OLA1: variants seen among roughly 807,000 people sequenced by gnomAD.
OLA1 encodes obg-like ATPase 1.
In OLA1, 14 loss-of-function variants were observed where a neutral mutation model predicts 48.4. The ratio of observed to expected loss-of-function variants is 0.29; its 90% CI spans 0.19 to 0.45. OLA1 has a LOEUF of 0.45. Ranked by LOEUF, OLA1 falls within the 20% of genes least tolerant of loss-of-function variation. The pLI, the probability that OLA1 is intolerant of heterozygous loss-of-function variation, is 1.00. For missense variants in OLA1, 325 were observed against 467.1 expected (o/e 0.70, Z 2.80); for synonymous variants, 127 against 150.4 (o/e 0.84, Z 1.14).
At chr2:174,231,960 TTTTAAACACAC>T (rs1401195555) in intron 2 of OLA1, among the ~76,000 whole-genome samples, 1 of 152,178 alleles carries the variant, frequency 6.6e-6, no homozygotes, top group Non-Finnish European at 1.5e-5. Flanking sequence ...AATGAGAACT[TTTTAAACACAC>T]ACACACGCAC....
intron 5 of OLA1, among the ~76,000 whole-genome samples, chr2:174,133,563 G>A (rs1461138326): frequency 2.0e-5 from 3 of 152,216 alleles, no homozygotes; most frequent in South Asian, 2.1e-4. Flanking sequence ...GTTATGCCAT[G>A]TTGTTTTCTT....
At chr2:174,083,579 G>C (rs899353475) in intron 7 of OLA1, among the ~76,000 whole-genome samples, 1 of 151,806 alleles carries the variant, frequency 6.6e-6, no homozygotes, top group African/African-American at 2.4e-5. Flanking sequence ...AAATTAAGAA[G>C]GACAGGTTAA....
chr2:174,164,512 TCTAA>T (rs1340409190), intron 4 of OLA1, among the ~76,000 whole-genome samples: 3 of 152,164 alleles, frequency 2.0e-5, no homozygotes, highest in African/African-American at 7.2e-5. Context: ...ATTATACTGC[TCTAA>T]CTCTCATAAT....
intron 3 of OLA1, among the ~76,000 whole-genome samples, chr2:174,225,896 T>C (rs1270030651): frequency 6.6e-6 from 1 of 152,100 alleles, no homozygotes; most frequent in African/African-American, 2.4e-5. Flanking sequence ...CTATTTTCTA[T>C]TGAAAATGAG....
At chr2:174,139,617 A>C (rs1298084554) in intron 5 of OLA1, among the ~76,000 whole-genome samples, 1 of 152,212 alleles carries the variant, frequency 6.6e-6, no homozygotes, top group Admixed American at 6.5e-5. Context: ...CTGTAATTCC[A>C]GCACTTCGGG....
At chr2:174,119,412 T>A (rs563660303) in intron 7 of OLA1, among the ~76,000 whole-genome samples, 3 of 152,122 alleles carry the variant, frequency 2.0e-5, no homozygotes, top group Non-Finnish European at 4.4e-5. Flanking sequence ...CCTCCTACAA[T>A]AGTTCTATAG....
chr2:174,137,856 G>T (rs116018976), intron 5 of OLA1, among the ~76,000 whole-genome samples: 53 of 152,260 alleles, frequency 3.5e-4, no homozygotes, highest in Non-Finnish European at 5.0e-4. Flanking sequence ...CTTCTATCAA[G>T]AACGCTAAAA....
chr2:174,130,824 A>C (rs924615936), intron 5 of OLA1, among the ~76,000 whole-genome samples: 1 of 151,976 alleles, frequency 6.6e-6, no homozygotes, highest in Non-Finnish European at 1.5e-5. Context: ...CAAAAAGATA[A>C]GAGCATCTAC....
chr2:174,197,694 A>G (rs1429385068), intron 4 of OLA1, among the ~76,000 whole-genome samples: 1 of 152,162 alleles, frequency 6.6e-6, no homozygotes, highest in Non-Finnish European at 1.5e-5. Flanking sequence ...TAAAGGGTGA[A>G]GAGGGATGGA....
chr2:174,164,330 T>A, intron 4 of OLA1, among the ~76,000 whole-genome samples: 1 of 152,308 alleles, frequency 6.6e-6, no homozygotes, highest in Non-Finnish European at 1.5e-5. Context: ...GGTTAGAAGG[T>A]TAGAGTTGGC....
chr2:174,193,461 G>A (rs1361529734), intron 4 of OLA1, among the ~76,000 whole-genome samples: 1 of 152,038 alleles, frequency 6.6e-6, no homozygotes, highest in Non-Finnish European at 1.5e-5. Flanking sequence ...TACATCTCAT[G>A]GTTTTTTGTT....
At chr2:174,098,568 C>G (rs1336684632) in intron 7 of OLA1, among the ~76,000 whole-genome samples, 2 of 152,152 alleles carry the variant, frequency 1.3e-5, no homozygotes, top group African/African-American at 4.8e-5. Context: ...AGAACTCCCA[C>G]AAGCAACCTG....
intron 4 of OLA1, among the ~76,000 whole-genome samples, chr2:174,151,430 C>T (rs1188955691): frequency 6.6e-6 from 1 of 152,134 alleles, no homozygotes; most frequent in Non-Finnish European, 1.5e-5. Flanking sequence ...CATTATTTTA[C>T]ATTGCTTTCC....
At chr2:174,235,305 A>G (rs562549315) in intron 2 of OLA1, among the ~76,000 whole-genome samples, 7 of 152,294 alleles carry the variant, frequency 4.6e-5, no homozygotes, top group Admixed American at 3.9e-4. Context: ...TTAAAAAGAG[A>G]AAGTAAATAA....
At chr2:174,234,411 G>A (rs918202367) in intron 2 of OLA1, among the ~76,000 whole-genome samples, 5 of 152,072 alleles carry the variant, frequency 3.3e-5, no homozygotes, top group African/African-American at 1.2e-4. Context: ...CTGGGCCAGG[G>A]GTCAGTGCTC....
chr2:174,118,850 G>T (rs1685844420), intron 7 of OLA1, among the ~76,000 whole-genome samples: 2 of 152,018 alleles, frequency 1.3e-5, no homozygotes, highest in Non-Finnish European at 2.9e-5. Flanking sequence ...ATACAAACAG[G>T]CCAAGGGAAA....
intron 3 of OLA1, 135 bp downstream of exon 3, chr2:174,229,173 C>T (rs6752755): frequency 1.1e-6 from 1 of 880,588 alleles, no homozygotes; most frequent in East Asian, 2.7e-5. Flanking sequence ...CGCACCCAGC[C>T]CTCTGCATGA....
Position 174,073,185 on chromosome 2 carries a change from G to A in OLA1, c.*2241C>T, listed in dbSNP as rs1444700165. 6.6e-6 allele frequency: 1 copy of A among 152,048 alleles called. No individual in the cohort carries two copies. Among genetic ancestry groups the A allele is most frequent in the Non-Finnish European group, 1.5e-5 (1 of 68,026 alleles). 9.4% of individuals were successfully genotyped at this position (152,048 alleles called of 1,614,324 possible). On this transcript the variant is annotated 3_prime_UTR_variant, in exon 11 of 11. Coordinates refer to ENST00000284719, the MANE Select transcript of OLA1 (RefSeq NM_013341.5). Reference sequence around the variant, plus strand: ...TTGTATATATGTATTTTTTTATGTAGAGATGATGTTTCATGATGTTGCACA... The same window carrying A: ...TTGTATATATGTATTTTTTTATGTAAAGATGATGTTTCATGATGTTGCACA...
intron 7 of OLA1, among the ~76,000 whole-genome samples, chr2:174,120,850 CT>C (rs1685898891): frequency 1.3e-5 from 2 of 152,146 alleles, no homozygotes; most frequent in Admixed American, 1.3e-4. Context: ...CTCCTCTCCT[CT>C]TTCTTGATGG....
Sources: allele counts gnomAD v4.1 joint callset (sites outside exome capture counted in the v4.1 genomes callset), GRCh38; gene constraint gnomAD v4.1.1; transcripts MANE v1.5; gene names NCBI Gene and HGNC (gene_info 2026-07-23, HGNC 2026-07-21).